PLEKHS1: variants seen among roughly 807,000 people sequenced by gnomAD.
The protein encoded by PLEKHS1 is pleckstrin homology domain-containing family S member 1.
Under a neutral mutation model 51.0 loss-of-function variants are expected in PLEKHS1, and 55 were observed. The observed-to-expected ratio is 1.08, with a 90% confidence interval of 0.87 to 1.35. The LOEUF (loss-of-function observed/expected upper bound fraction) is 1.35, where lower values mean the gene tolerates loss of function less well. PLEKHS1 is among the 40% of genes most tolerant of loss of function. The pLI is 0.00. For synonymous variants in PLEKHS1, 153 were observed against 144.8 expected (o/e 1.06, Z -0.41); for missense variants, 398 against 423.0 (o/e 0.94, Z 0.52).
intron 2 of PLEKHS1, chr10:113,765,304 C>T: frequency 1.3e-6 from 1 of 775,572 alleles, no homozygotes; most frequent in Middle Eastern, 2.3e-4. Flanking sequence ...TAGTGTAGAG[C>T]TAATTATTCC....
At chr10:113,768,921 G>A (rs1313428225) in intron 6 of PLEKHS1, 31 bp downstream of exon 6, 4 of 1,531,922 alleles carry the variant, frequency 2.6e-6, no homozygotes, top group Admixed American at 1.8e-5. Flanking sequence ...AAATAACAGG[G>A]CACCTGAACA....
chr10:113,779,551 C>A (rs7917250), intron 11 of PLEKHS1, among the ~76,000 whole-genome samples: 51,791 of 147,246 alleles, frequency 0.35, 9,384 homozygotes, highest in South Asian at 0.49. Flanking sequence ...GCCCTGGGAA[C>A]AGTGTGAGAC....
At chr10:113,758,136 T>C (rs1027746889) in intron 2 of PLEKHS1, among the ~76,000 whole-genome samples, 1 of 152,232 alleles carries the variant, frequency 6.6e-6, no homozygotes, top group African/African-American at 2.4e-5. Flanking sequence ...GACCTCCTTC[T>C]AGGAATCATG....
At chr10:113,779,805 C>T (rs1014780413) in intron 11 of PLEKHS1, among the ~76,000 whole-genome samples, 5 of 152,172 alleles carry the variant, frequency 3.3e-5, no homozygotes, top group African/African-American at 1.2e-4. Flanking sequence ...CTCTTGTGCT[C>T]GTTCTGCCTT....
exon 12 of PLEKHS1, chr10:113,782,060 A>C (rs1844883558): frequency 6.6e-6 from 1 of 152,230 alleles, no homozygotes; most frequent in Non-Finnish European, 1.5e-5. Flanking sequence ...TTGATCCTGG[A>C]AGGCCAAAGG....
intron 11 of PLEKHS1, chr10:113,777,929 A>T (rs1430190276): frequency 4.0e-6 from 2 of 501,752 alleles, no homozygotes; most frequent in Admixed American, 3.6e-5. Flanking sequence ...ATTCAAGGTT[A>T]CAGTGTGCTA....
chr10:113,757,474 A>G (rs1025754390), intron 2 of PLEKHS1, among the ~76,000 whole-genome samples: 1 of 152,212 alleles, frequency 6.6e-6, no homozygotes, highest in Non-Finnish European at 1.5e-5. Flanking sequence ...CATTATGTCT[A>G]AGTAAATAAT....
At chr10:113,753,107 A>C (rs534994690) in intron 1 of PLEKHS1, among the ~76,000 whole-genome samples, 4 of 152,332 alleles carry the variant, frequency 2.6e-5, no homozygotes, top group African/African-American at 9.6e-5. Context: ...GCTCAAAAAC[A>C]GCTTGCAGTA....
At chr10:113,780,794 C>A (rs1418320498) in exon 12 of PLEKHS1, 19 of 1,538,958 alleles carry the variant, frequency 1.2e-5, no homozygotes, top group Non-Finnish European at 1.5e-5. Context: ...CACCCCAGAC[C>A]CATGGCAGCA....
At chr10:113,767,957 G>A (rs971120903) in intron 5 of PLEKHS1, among the ~76,000 whole-genome samples, 3 of 152,102 alleles carry the variant, frequency 2.0e-5, no homozygotes, top group Admixed American at 6.6e-5. Context: ...CTCTATTCCA[G>A]TATGACCTCA....
At chr10:113,775,500 G>A (rs947256087) in intron 10 of PLEKHS1, among the ~76,000 whole-genome samples, 1 of 152,190 alleles carries the variant, frequency 6.6e-6, no homozygotes, top group Non-Finnish European at 1.5e-5. Flanking sequence ...ATTTCCAGCA[G>A]AGAAATATGC....
chr10:113,752,926 C>T (rs1329578103), intron 1 of PLEKHS1, among the ~76,000 whole-genome samples: 1 of 152,084 alleles, frequency 6.6e-6, no homozygotes, highest in African/African-American at 2.4e-5. Flanking sequence ...GGACCTAGGT[C>T]CAAGTCATCT....
At chr10:113,760,374 C>T (rs936972158) in intron 2 of PLEKHS1, among the ~76,000 whole-genome samples, 9 of 152,102 alleles carry the variant, frequency 5.9e-5, no homozygotes. Flanking sequence ...GTAGAATGGG[C>T]CAGGTGTGGT....
At chr10:113,777,065 C>G (rs1247346110) in intron 11 of PLEKHS1, 59 bp from the exon 12 acceptor site, 2 of 1,595,152 alleles carry the variant, frequency 1.3e-6, no homozygotes. Context: ...CCCTGCGTGC[C>G]CTGCCCTCCT....
At chr10:113,755,401 T>G in intron 2 of PLEKHS1, 96 bp downstream of exon 2, 1 of 1,506,832 alleles carries the variant, frequency 6.6e-7, no homozygotes, top group Non-Finnish European at 8.9e-7. Flanking sequence ...CTTGGTGGTT[T>G]TTGTGTATGT....
intron 2 of PLEKHS1, among the ~76,000 whole-genome samples, chr10:113,765,982 A>G (rs185747109): frequency 2.0e-4 from 31 of 152,256 alleles, no homozygotes; most frequent in African/African-American, 7.5e-4. Flanking sequence ...TCCTTTTCCA[A>G]CTTCTGCAGC....
chr10:113,780,512 C>G (rs755447101), intron 11 of PLEKHS1, 90 bp from the exon 13 acceptor site: 22 of 1,234,450 alleles, frequency 1.8e-5, no homozygotes, highest in Non-Finnish European at 2.3e-5. Flanking sequence ...TCAATACCAG[C>G]TCCCAAGGGT....
chr10:113,777,258 A>T lies in PLEKHS1; in HGVS notation c.1091+1392A>T. Reference sequence around the variant, plus strand: ...TTTCTTACCCGGTCCATCCAGAAGGAGGTGAGTCGTACTGACCAGCCCTGA... The same window carrying T: ...TTTCTTACCCGGTCCATCCAGAAGGTGGTGAGTCGTACTGACCAGCCCTGA... On this transcript the variant is annotated intron_variant, in intron 11 of 11. Transcript: ENST00000361048. 1 of 1,612,840 alleles carries T rather than the reference A, an allele frequency of 6.2e-7. No homozygotes were observed. Among genetic ancestry groups the T allele is most frequent in the South Asian group, 1.1e-5 (1 of 91,040 alleles).
chr10:113,781,790 A>C (rs111639513), exon 12 of PLEKHS1: 18,917 of 72,916 alleles, frequency 0.26, 2,897 homozygotes, highest in African/African-American at 0.34. Flanking sequence ...TTCCCCAACA[A>C]CTCCTTCCCC....
Sources: allele counts gnomAD v4.1 joint callset (sites outside exome capture counted in the v4.1 genomes callset), GRCh38; gene constraint gnomAD v4.1.1; transcripts MANE v1.5; gene names NCBI Gene and HGNC (gene_info 2026-07-23, HGNC 2026-07-21).